Variants in CD28 observed in about 807,000 individuals in gnomAD.
The protein encoded by CD28 is T-cell-specific surface glycoprotein CD28.
A neutral mutation model predicts 21.4 loss-of-function variants in CD28; 8 were observed. That is an observed-to-expected ratio of 0.37 (90% CI 0.22 to 0.68). The LOEUF (loss-of-function observed/expected upper bound fraction) is 0.68. Ranked by LOEUF, CD28 falls within the 30% of genes least tolerant of loss-of-function variation. The pLI, the probability that CD28 is intolerant of heterozygous loss-of-function variation, is 0.55. For synonymous variants in CD28, 106 were observed against 104.0 expected, an observed-to-expected ratio of 1.02 and a Z score of -0.12; for missense variants, 239 against 272.2, an observed-to-expected ratio of 0.88 and a Z score of 0.86.
At chr2:203,727,620 C>T (rs1293647437) in intron 2 of CD28, among the ~76,000 whole-genome samples, 1 of 58,852 alleles carries the variant, frequency 1.7e-5, no homozygotes, top group Non-Finnish European at 3.3e-5. Context: ...GCTGGGACTA[C>T]AGGGCCCGCC....
At chr2:203,711,525 C>A (rs1693310790) in intron 1 of CD28, among the ~76,000 whole-genome samples, 1 of 152,140 alleles carries the variant, frequency 6.6e-6, no homozygotes, top group Non-Finnish European at 1.5e-5. Flanking sequence ...TCTGCATTAC[C>A]ATTACTGTCA....
intron 1 of CD28, among the ~76,000 whole-genome samples, chr2:203,714,150 G>A (rs539699798): frequency 6.6e-6 from 1 of 152,224 alleles, no homozygotes; most frequent in South Asian, 2.1e-4. Context: ...TTCTATACTG[G>A]TGAACCTGAG....
intron 1 of CD28, among the ~76,000 whole-genome samples, chr2:203,718,834 T>A (rs1055344412): frequency 1.6e-4 from 24 of 152,212 alleles, no homozygotes; most frequent in African/African-American, 5.8e-4. Context: ...GAAATGTGAT[T>A]TCATGTGTTG....
At chr2:203,712,025 C>T (rs1426679969) in intron 1 of CD28, among the ~76,000 whole-genome samples, 1 of 152,034 alleles carries the variant, frequency 6.6e-6, no homozygotes, top group Admixed American at 6.6e-5. Context: ...AACCCCATCT[C>T]TACTAAAAAT....
intron 1 of CD28, among the ~76,000 whole-genome samples, chr2:203,709,742 CAT>C (rs1693261786): frequency 6.6e-6 from 1 of 152,214 alleles, no homozygotes; most frequent in Admixed American, 6.5e-5. Context: ...ACATTGGTCA[CAT>C]GTTTCAGGCC....
chr2:203,734,914 A>G lies in CD28; in HGVS notation c.*2A>G. On this transcript the variant is annotated 3_prime_UTR_variant, in exon 4 of 4. Transcript: ENST00000324106. ...GACTTCGCAGCCTATCGCTCCTGAC[A>G]CGGACGCCTATCCAGAAGCCAGCCG... 6.2e-7 allele frequency: 1 copy of G among 1,613,816 alleles called. No individual in the cohort carries two copies. The highest frequency in any genetic ancestry group is 8.5e-7 in the Non-Finnish European group (1 of 1,179,826).
intron 1 of CD28, among the ~76,000 whole-genome samples, chr2:203,709,079 AC>A (rs1333101073): frequency 2.0e-5 from 3 of 148,378 alleles, no homozygotes; most frequent in African/African-American, 5.0e-5. Context: ...CTTAGATTGC[AC>A]CCCTGCACTC....
chr2:203,710,587 AT>A (rs1693286250), intron 1 of CD28, among the ~76,000 whole-genome samples: 1 of 152,150 alleles, frequency 6.6e-6, no homozygotes, highest in African/African-American at 2.4e-5. Context: ...ATGCCATATG[AT>A]TACCATTTGG....
In CD28 at chr2:203,737,829, C is replaced by A. The variant is rs1450802236; in HGVS notation, c.*2917C>A. 1 of 152,526 alleles carries A rather than the reference C, an allele frequency of 6.6e-6. No individual in the cohort carries two copies. Among genetic ancestry groups the A allele is most frequent in the African/African-American group, 2.4e-5 (1 of 41,414 alleles). The allele number at this position is 152,526 out of a possible 1,614,324, so 9.4% of individuals were successfully genotyped here. On this transcript the variant is annotated 3_prime_UTR_variant, in exon 4 of 4. Transcript: ENST00000324106. ...CATATTCAGTGATAAAATTACTAAA[C>A]TACTATATGTCTGCTTTAAATTTGT...
At chr2:203,712,649 C>T (rs955124312) in intron 1 of CD28, among the ~76,000 whole-genome samples, 3 of 151,962 alleles carry the variant, frequency 2.0e-5, no homozygotes, top group African/African-American at 7.3e-5. Context: ...TATAGTTACT[C>T]AATAAATATT....
At chr2:203,728,734 T>A (rs760193599) in intron 2 of CD28, among the ~76,000 whole-genome samples, 3 of 152,114 alleles carry the variant, frequency 2.0e-5, no homozygotes, top group Non-Finnish European at 4.4e-5. Context: ...TAGCTAAGAG[T>A]GAAATATTTT....
At chr2:203,714,554 A>G (rs1693415455) in intron 1 of CD28, among the ~76,000 whole-genome samples, 1 of 152,074 alleles carries the variant, frequency 6.6e-6, no homozygotes, top group African/African-American at 2.4e-5. Flanking sequence ...GGGGGATGTG[A>G]TTAGGAGTAT....
chr2:203,733,280 T>A (rs559081972), intron 3 of CD28, among the ~76,000 whole-genome samples: 8 of 152,340 alleles, frequency 5.3e-5, no homozygotes, highest in Non-Finnish European at 8.8e-5. Flanking sequence ...CCCGTTGTGA[T>A]GATCCAAAAT....
chr2:203,734,416 G>C (rs889541199), intron 3 of CD28, among the ~76,000 whole-genome samples: 4 of 152,204 alleles, frequency 2.6e-5, no homozygotes, highest in Non-Finnish European at 4.4e-5. Flanking sequence ...TTAAGCAAAT[G>C]CTAATGTAAG....
At chr2:203,727,723 A>G (rs1347691848) in intron 2 of CD28, among the ~76,000 whole-genome samples, 1 of 151,210 alleles carries the variant, frequency 6.6e-6, no homozygotes, top group African/African-American at 2.4e-5. Context: ...TCTGTCGCCC[A>G]GGCTGGAATG....
rs575747379 is a variant in CD28, at chr2:203,737,601, C to G, written c.*2689C>G. On this transcript the variant is annotated 3_prime_UTR_variant, in exon 4 of 4. Transcript: ENST00000324106. Reference sequence around the variant, plus strand: ...GTCCGTTTTCACTATTAGTATGAACCAAGAAATGGTTCAAAAACAGTGGTA... The same window carrying G: ...GTCCGTTTTCACTATTAGTATGAACGAAGAAATGGTTCAAAAACAGTGGTA... The G allele has an allele frequency of 1.3e-5, 2 of 152,456 alleles. No individual in the cohort carries two copies. Among genetic ancestry groups the G allele is most frequent in the African/African-American group, 4.8e-5 (2 of 41,456 alleles). 9.4% of individuals were successfully genotyped at this position (152,456 alleles called of 1,614,324 possible).
rs1694042239 is a variant in CD28 at position 203,736,545 on chromosome 2, G to C, written c.*1633G>C. 6.6e-6 allele frequency: 1 copy of C among 152,224 alleles called. No individual in the cohort carries two copies. Among genetic ancestry groups the C allele is most frequent in the Non-Finnish European group, 1.5e-5 (1 of 68,050 alleles). The allele number at this position is 152,224 out of a possible 1,614,324, so 9.4% of individuals were successfully genotyped here. On this transcript the variant is annotated 3_prime_UTR_variant, in exon 4 of 4. Coordinates refer to ENST00000324106, the MANE Select transcript of CD28 (RefSeq NM_006139.4). ...CAGAGTTCTTAAGGGACTGGGTAAG[G>C]CCTGACCCTGAAATGACCATGGATA...
chr2:203,732,636 A>G (rs1693924128), intron 3 of CD28, among the ~76,000 whole-genome samples: 3 of 152,186 alleles, frequency 2.0e-5, no homozygotes, highest in Admixed American at 1.3e-4. Flanking sequence ...CAAAGGAGGA[A>G]TGGTCCAGAA....
At chr2:203,733,423 T>TAA (rs201945254) in intron 3 of CD28, among the ~76,000 whole-genome samples, 3 of 148,886 alleles carry the variant, frequency 2.0e-5, no homozygotes, top group Non-Finnish European at 3.0e-5. Context: ...GAAACACTGG[T>TAA]AAAAAAAAAA....
Sources: allele counts gnomAD v4.1 joint callset (sites outside exome capture counted in the v4.1 genomes callset), GRCh38; gene constraint gnomAD v4.1.1; transcripts MANE v1.5; gene names NCBI Gene and HGNC (gene_info 2026-07-23, HGNC 2026-07-21).